HERC4: variants seen among roughly 807,000 people sequenced by gnomAD.
The protein encoded by HERC4 is probable E3 ubiquitin-protein ligase HERC4.
In HERC4, 28 loss-of-function variants were observed where a neutral mutation model predicts 124.3. That is an observed-to-expected ratio of 0.23 (90% CI 0.17 to 0.31). The LOEUF (loss-of-function observed/expected upper bound fraction) is 0.31. Ranked by LOEUF, HERC4 falls within the 10% of genes least tolerant of loss-of-function variation. HERC4 has a pLI of 1.00. For synonymous variants in HERC4, 407 were observed against 421.5 expected (o/e 0.97, Z 0.42); for missense variants, 713 against 1,229.3 (o/e 0.58, Z 6.28).
At chr10:68,033,298 T>A (rs563222206) in intron 6 of HERC4, among the ~76,000 whole-genome samples, 1 of 152,226 alleles carries the variant, frequency 6.6e-6, no homozygotes, top group Non-Finnish European at 1.5e-5. Context: ...ATTTTTCTTA[T>A]GCAAAACAAG....
intron 7 of HERC4, among the ~76,000 whole-genome samples, chr10:68,028,284 C>G (rs2039008076): frequency 6.6e-6 from 1 of 150,870 alleles, no homozygotes; most frequent in East Asian, 1.9e-4. Flanking sequence ...CTAGCAACTT[C>G]CAAAGGTAAG....
In HERC4 at chr10:67,954,657, C is replaced by T; in HGVS notation, c.2275G>A (p.Asp759Asn). The change falls in exon 19 of 25, where the codon GAT becomes AAT. Residue 759 changes from aspartate to asparagine, a missense_variant. Physicochemically the swap from Asp to Asn is conservative, Grantham distance 23. Transcript: ENST00000373700. ...TACCTAAACATGCCGTATTTAGGAT[C>T]CAATAATTCCCTCATGATGAGCAAG... ...FFLLIMRELLDPKYGMFRYYE... is the reference protein window; with the variant it reads ...FFLLIMRELLNPKYGMFRYYE... 1 of 1,613,466 alleles carries T rather than the reference C, an allele frequency of 6.2e-7. No homozygotes were observed. The highest frequency in any genetic ancestry group is 8.5e-7 in the Non-Finnish European group (1 of 1,179,598).
At chr10:67,995,386 A>G (rs117639735) in intron 9 of HERC4, 37,816 of 340,598 alleles carry the variant, frequency 0.11, 2,704 homozygotes, top group Middle Eastern at 0.18. Flanking sequence ...AACAGGAAAG[A>G]GAGGATTAAT....
chr10:67,943,452 C>A (rs1188179584), intron 19 of HERC4, among the ~76,000 whole-genome samples: 1 of 152,204 alleles, frequency 6.6e-6, no homozygotes, highest in Non-Finnish European at 1.5e-5. Context: ...TAGTAACTTA[C>A]AGCTAATTTG....
chr10:68,057,734 T>G (rs1170851000), intron 3 of HERC4, among the ~76,000 whole-genome samples: 1 of 150,332 alleles, frequency 6.7e-6, no homozygotes, highest in Non-Finnish European at 1.5e-5. Context: ...TAAGACAGAG[T>G]CTTGTTCTGT....
intron 1 of HERC4, chr10:68,074,317 C>T (rs973676936): frequency 1.3e-5 from 2 of 152,196 alleles, no homozygotes; most frequent in Non-Finnish European, 1.5e-5. Context: ...TCCAATTTTC[C>T]TATGTTCCTG....
rs2039687646 is a variant in HERC4 at position 68,040,132 on chromosome 10, G to T, written c.387-1963C>A. The T allele has an allele frequency of 5.2e-6, 5 of 970,020 alleles. No homozygotes were observed. The African/African-American group carries it at 7.0e-5, about 14-fold the overall frequency. The allele number at this position is 970,020 out of a possible 1,614,324, so 60.1% of individuals were successfully genotyped here. Reference sequence around the variant, plus strand: ...AGGATAACTACATTTGTAAGGTCTTGGAGGCTTTAGTATTAGTCATAAAAT... The same window carrying T: ...AGGATAACTACATTTGTAAGGTCTTTGAGGCTTTAGTATTAGTCATAAAAT... On this transcript the variant is annotated intron_variant, in intron 4 of 24. Coordinates refer to ENST00000373700, the MANE Select transcript of HERC4 (RefSeq NM_015601.4).
rs2032843720 is a variant in HERC4, at chr10:67,941,105, T to C, written c.2338A>G (p.Thr780Ala). Residue 780 changes from threonine to alanine, a missense_variant and splice_region_variant, in exon 20 of 25, where the codon ACA becomes GCA. By Grantham distance (58) the Thr-to-Ala change is moderately conservative. Transcript: ENST00000373700. ...TGGAACAAATCACTGTCTTCAAATG[T>C]CTAAAAATATAAGAAAAAGTAAACA... ...DSRLIWFSDK[T>A]FEDSDLFHLI... The C allele has an allele frequency of 6.5e-7, 1 of 1,526,938 alleles. No individual in the cohort carries two copies. Among genetic ancestry groups the C allele is most frequent in the Non-Finnish European group, 8.7e-7 (1 of 1,143,534 alleles). The allele number at this position is 1,526,938 out of a possible 1,614,324, so 94.6% of individuals were successfully genotyped here.
chr10:67,999,655 A>G (rs2037109685), intron 9 of HERC4, among the ~76,000 whole-genome samples: 1 of 152,222 alleles, frequency 6.6e-6, no homozygotes, highest in Non-Finnish European at 1.5e-5. Flanking sequence ...GTCCAGCAGA[A>G]TAAGAATTCA....
intron 3 of HERC4, among the ~76,000 whole-genome samples, chr10:68,061,897 A>T (rs1166338379): frequency 1.3e-5 from 2 of 150,650 alleles, no homozygotes; most frequent in African/African-American, 4.9e-5. Context: ...AAAAAAAAAA[A>T]AAAAAAAAAA....
chr10:68,049,613 A>AAAAC (rs1236417660), intron 3 of HERC4, among the ~76,000 whole-genome samples: 4 of 150,164 alleles, frequency 2.7e-5, no homozygotes, highest in African/African-American at 7.4e-5. Flanking sequence ...AAAAAAAAAA[A>AAAAC]CACTTTGGAA....
intron 8 of HERC4, among the ~76,000 whole-genome samples, chr10:68,023,866 T>C (rs2038772542): frequency 6.6e-6 from 1 of 152,196 alleles, no homozygotes; most frequent in Non-Finnish European, 1.5e-5. Flanking sequence ...AACACTATGT[T>C]TTTGAAGATA....
At chr10:68,057,562 C>A (rs1320303286) in intron 3 of HERC4, among the ~76,000 whole-genome samples, 3 of 147,540 alleles carry the variant, frequency 2.0e-5, no homozygotes, top group Non-Finnish European at 4.5e-5. Context: ...AGGCAGAGGT[C>A]AAAGTGAGCC....
intron 9 of HERC4, among the ~76,000 whole-genome samples, chr10:67,999,858 TCTCTTA>T (rs1311178036): frequency 7.2e-5 from 11 of 152,186 alleles, no homozygotes; most frequent in Non-Finnish European, 1.0e-4. Context: ...CAGAATTCCA[TCTCTTA>T]CTAAGTCTCC....
In HERC4 at chr10:68,069,935, G is replaced by A. The variant is rs1467611211; in HGVS notation, c.226+2948C>T. The A allele has an allele frequency of 2.8e-5, 12 of 430,872 alleles. No individual in the cohort carries two copies. The East Asian group carries it at 1.1e-3, about 40-fold the overall frequency. The allele number at this position is 430,872 out of a possible 1,614,324, so 26.7% of individuals were successfully genotyped here. ...CACGCCCCTATAGTCCCACCTACTC[G>A]GGAGGCCGAGGCAGGAGAATCGCTT... On this transcript the variant is annotated intron_variant, in intron 3 of 24. Coordinates refer to ENST00000373700, the MANE Select transcript of HERC4 (RefSeq NM_015601.4).
chr10:68,003,279 G>A (rs561368719), intron 9 of HERC4, among the ~76,000 whole-genome samples: 1 of 150,338 alleles, frequency 6.7e-6, no homozygotes, highest in African/African-American at 2.4e-5. Flanking sequence ...ACAGCCTCCC[G>A]AGTAGCTGGG....
intron 16 of HERC4, among the ~76,000 whole-genome samples, chr10:67,963,693 C>G (rs1270693205): frequency 1.3e-5 from 2 of 152,140 alleles, no homozygotes; most frequent in African/African-American, 2.4e-5. Flanking sequence ...TGTTCTGAAT[C>G]CTTTCAAAAA....
chr10:68,069,903 A>G (rs1440882871), intron 3 of HERC4: 2 of 378,146 alleles, frequency 5.3e-6, no homozygotes, highest in Non-Finnish European at 7.3e-6. Flanking sequence ...TTACCCGGGC[A>G]TGGTGGCACG....
At position 67,939,568 on chromosome 10, in the gene HERC4, C is replaced by T. The variant is rs767946610; in HGVS notation, c.2571+20G>A. On this transcript the variant is annotated intron_variant, in intron 21 of 24. Transcript: ENST00000373700. ...AAGAGATGATAAATAATCAGGCTAA[C>T]CTATGTCCTTCCATCTTACCGTAAA... 1 of 1,534,352 alleles carries T rather than the reference C, an allele frequency of 6.5e-7. No individual in the cohort carries two copies. The highest frequency in any genetic ancestry group is 1.2e-5 in the South Asian group (1 of 86,086).
Sources: gnomAD v4.1 joint callset for allele counts (sites outside exome capture counted in the v4.1 genomes callset) on GRCh38, gnomAD v4.1.1 for gene constraint, MANE v1.5 for transcripts, NCBI Gene and HGNC (gene_info 2026-07-23, HGNC 2026-07-21) for gene names.